Variants in COG5 observed in about 807,000 individuals in gnomAD.
COG5 encodes the protein component of oligomeric golgi complex 5.
COG5 carries 86 observed loss-of-function variants against 110.4 expected under a neutral mutation model. The observed-to-expected ratio is 0.78, with a 90% CI of 0.65 to 0.93. The LOEUF (loss-of-function observed/expected upper bound fraction) is 0.93. Among genes scored for constraint, COG5 ranks in the 40% least tolerant of loss-of-function variants. COG5 has a pLI of 0.00. For missense variants in COG5, 1,077 were observed against 987.0 expected (o/e 1.09, Z -1.22); for synonymous variants, 360 against 334.6 (o/e 1.08, Z -0.83).
At chr7:107,378,405 A>T (rs979363563) in intron 7 of COG5, among the ~76,000 whole-genome samples, 1 of 152,178 alleles carries the variant, frequency 6.6e-6, no homozygotes, top group African/African-American at 2.4e-5. Context: ...ACGAAACAAA[A>T]CTGGATGGAG....
At position 107,362,788 on chromosome 7, in the gene COG5, G is replaced by A. The variant is rs117598698; in HGVS notation, c.836-368C>T. On this transcript the variant is annotated intron_variant, in intron 8 of 21. Transcript: ENST00000297135. Reference sequence around the variant, plus strand: ...ATTTATCCTGTGTATGCACATGTGTGTGTATGTGTGTTGTATCCCCTTTCT... The same window carrying A: ...ATTTATCCTGTGTATGCACATGTGTATGTATGTGTGTTGTATCCCCTTTCT... Among the ~76,000 whole-genome samples, 1,075 of 150,870 alleles carry A rather than the reference G, an allele frequency of 7.1e-3. 4 individuals are homozygous for A. The highest frequency in any genetic ancestry group is 0.011 in the Admixed American group (169 of 15,128).
chr7:107,464,973 A>G (rs1796212679), intron 6 of COG5, among the ~76,000 whole-genome samples: 1 of 152,144 alleles, frequency 6.6e-6, no homozygotes, highest in Non-Finnish European at 1.5e-5. Flanking sequence ...GCTAGCTACA[A>G]CCCCTTCCTG....
chr7:107,520,939 A>G (rs1464779248), intron 6 of COG5, among the ~76,000 whole-genome samples: 5 of 152,332 alleles, frequency 3.3e-5, no homozygotes, highest in African/African-American at 1.2e-4. Context: ...CCTGGTACCA[A>G]AAGAGATATG....
intron 14 of COG5, among the ~76,000 whole-genome samples, chr7:107,278,495 C>T (rs1804884621): frequency 6.6e-6 from 1 of 152,098 alleles, no homozygotes; most frequent in South Asian, 2.1e-4. Context: ...TGGTCAACTC[C>T]CACTTATGGG....
chr7:107,216,284 C>A (rs1256206518), intron 19 of COG5, among the ~76,000 whole-genome samples: 2 of 152,200 alleles, frequency 1.3e-5, no homozygotes, highest in Admixed American at 1.3e-4. Context: ...ACAGAAATAA[C>A]TTACAATGCA....
intron 18 of COG5, among the ~76,000 whole-genome samples, chr7:107,235,043 G>C (rs886386423): frequency 6.6e-6 from 1 of 152,108 alleles, no homozygotes; most frequent in Non-Finnish European, 1.5e-5. Context: ...CCAAATGAAG[G>C]CTCATTTCTA....
intron 8 of COG5, among the ~76,000 whole-genome samples, chr7:107,367,815 C>G (rs1194943468): frequency 6.6e-6 from 1 of 151,862 alleles, no homozygotes; most frequent in Non-Finnish European, 1.5e-5. Flanking sequence ...GGCTAAAAAA[C>G]AGCATATTAG....
chr7:107,440,222 G>A (rs6964395), intron 6 of COG5, among the ~76,000 whole-genome samples: 1 of 152,032 alleles, frequency 6.6e-6, no homozygotes, highest in African/African-American at 2.4e-5. Context: ...CTAGTGCTTA[G>A]AGTAATATCT....
chr7:107,475,147 C>A, intron 6 of COG5: 1 of 1,609,042 alleles, frequency 6.2e-7, no homozygotes, highest in Non-Finnish European at 8.5e-7. Context: ...AACTATATTT[C>A]ACCCTCTATT....
chr7:107,357,464 T>C (rs953583811), intron 10 of COG5, among the ~76,000 whole-genome samples: 2 of 152,202 alleles, frequency 1.3e-5, no homozygotes, highest in African/African-American at 4.8e-5. Flanking sequence ...AAAATTTATA[T>C]ATAAATAGGT....
At chr7:107,522,306 T>TA (rs545802759) in intron 6 of COG5, among the ~76,000 whole-genome samples, 395 of 152,238 alleles carry the variant, frequency 2.6e-3, no homozygotes, top group African/African-American at 8.9e-3. Context: ...CTGTCTCTAC[T>TA]AAAAATACAA....
chr7:107,509,328 G>A (rs111366188), intron 6 of COG5, among the ~76,000 whole-genome samples: 40 of 152,240 alleles, frequency 2.6e-4, no homozygotes, highest in Middle Eastern at 3.4e-3. Context: ...GAACTGAAGC[G>A]AGAAGGGAAG....
chr7:107,273,150 G>A (rs1386660029), intron 14 of COG5, among the ~76,000 whole-genome samples: 1 of 152,104 alleles, frequency 6.6e-6, no homozygotes, highest in Non-Finnish European at 1.5e-5. Context: ...GTCACACTGG[G>A]ATACTGCAGA....
intron 6 of COG5, among the ~76,000 whole-genome samples, chr7:107,479,404 T>C (rs982489694): frequency 1.1e-4 from 17 of 151,920 alleles, no homozygotes; most frequent in Non-Finnish European, 2.2e-4. Context: ...AAAGCAGCAA[T>C]ACACAGAATT....
chr7:107,497,341 A>T (rs1798345688), intron 6 of COG5, among the ~76,000 whole-genome samples: 1 of 152,208 alleles, frequency 6.6e-6, no homozygotes, highest in Admixed American at 6.5e-5. Context: ...TCAAATCAAA[A>T]GGAAAGTAGT....
intron 19 of COG5, among the ~76,000 whole-genome samples, chr7:107,221,861 CTCT>C (rs1018067393): frequency 1.3e-4 from 20 of 151,924 alleles, no homozygotes; most frequent in African/African-American, 4.8e-4. Flanking sequence ...TTCTGTTTCT[CTCT>C]TATCTTTGGC....
At chr7:107,366,390 G>C (rs1813617844) in intron 8 of COG5, among the ~76,000 whole-genome samples, 1 of 152,046 alleles carries the variant, frequency 6.6e-6, no homozygotes, top group Admixed American at 6.6e-5. Flanking sequence ...ACTAGACATG[G>C]AAAACAGAGA....
intron 6 of COG5, among the ~76,000 whole-genome samples, chr7:107,493,301 T>C (rs1472075673): frequency 6.6e-6 from 1 of 152,180 alleles, no homozygotes; most frequent in Non-Finnish European, 1.5e-5. Context: ...ATCTGTAGTA[T>C]TCTTTACAGC....
In COG5 at chr7:107,345,124, G is replaced by C. The variant is rs141863034; in HGVS notation, c.1026+16909C>G. On this transcript the variant is annotated intron_variant, in intron 10 of 21. Transcript: ENST00000297135. ...ACAGGGAAGCCTGAGGAGAGTGACAGGGTTGGGAGAATGGCCAGTTGGTGG... is the reference window on the plus strand; with the variant it reads ...ACAGGGAAGCCTGAGGAGAGTGACACGGTTGGGAGAATGGCCAGTTGGTGG... Among the ~76,000 whole-genome samples the C allele has an allele frequency of 5.0e-3, 761 of 152,238 alleles. 2 individuals carry two copies. Among genetic ancestry groups the C allele is most frequent in the Admixed American group, 7.6e-3 (117 of 15,304 alleles).
Sources: gnomAD v4.1 joint callset for allele counts (sites outside exome capture counted in the v4.1 genomes callset) on GRCh38, gnomAD v4.1.1 for gene constraint, MANE v1.5 for transcripts, NCBI Gene and HGNC (gene_info 2026-07-23, HGNC 2026-07-21) for gene names.